ZGRF1: variants seen among roughly 807,000 people sequenced by gnomAD.
ZGRF1 encodes zinc finger GRF-type containing 1.
ZGRF1 carries 196 observed loss-of-function variants against 203.5 expected under a neutral mutation model. That is an observed-to-expected ratio of 0.96 (90% CI 0.86 to 1.08). The LOEUF (loss-of-function observed/expected upper bound fraction) is 1.08, where lower values mean the gene tolerates loss of function less well. Ranked by LOEUF, ZGRF1 falls within the 50% of genes least tolerant of loss-of-function variation. The pLI is 0.00. For missense variants in ZGRF1, 2,326 were observed against 2,416.3 expected (o/e 0.96, Z 0.78); for synonymous variants, 809 against 841.3 (o/e 0.96, Z 0.66).
intron 24 of ZGRF1, 133 bp downstream of exon 24, chr4:112,547,152 T>C (rs1000740749): frequency 2.2e-6 from 2 of 922,320 alleles, no homozygotes; most frequent in Non-Finnish European, 3.1e-6. Context: ...AATACTTACT[T>C]TCCAGACAAC....
chr4:112,609,587 C>A (rs1261905593), intron 7 of ZGRF1, among the ~76,000 whole-genome samples, 158 bp from the exon 8 acceptor site: 1 of 150,572 alleles, frequency 6.6e-6, no homozygotes, highest in Non-Finnish European at 1.5e-5. Context: ...GGGCGGATCA[C>A]CTGAGGTAAG....
chr4:112,562,535 A>G, intron 17 of ZGRF1, 50 bp from the exon 18 acceptor site: 2 of 1,131,352 alleles, frequency 1.8e-6, no homozygotes, highest in Non-Finnish European at 2.6e-6. Flanking sequence ...AAAATGGACC[A>G]TAAAAACTCT....
At chr4:112,605,407 C>T (rs535454138) in intron 9 of ZGRF1, among the ~76,000 whole-genome samples, 5 of 152,256 alleles carry the variant, frequency 3.3e-5, no homozygotes, top group African/African-American at 4.8e-5. Flanking sequence ...GTGATCCACC[C>T]GCCTTGGCCT....
intron 10 of ZGRF1, among the ~76,000 whole-genome samples, chr4:112,601,725 A>G (rs1750013087): frequency 6.6e-6 from 1 of 151,258 alleles, no homozygotes; most frequent in Admixed American, 6.6e-5. Flanking sequence ...TGACAGAGTT[A>G]AGACTCTGTC....
intron 7 of ZGRF1, among the ~76,000 whole-genome samples, chr4:112,609,824 T>TA (rs1253532143): frequency 6.7e-6 from 1 of 148,454 alleles, no homozygotes; most frequent in Non-Finnish European, 1.5e-5. Context: ...AAAAAAGAAA[T>TA]ACTAGAACAC....
Position 112,587,904 on chromosome 4 carries a change from C to T in ZGRF1, c.3153G>A (p.Glu1051=). The change falls in exon 12 of 28, where the codon GAG becomes GAA. Residue 1051 remains glutamate, a synonymous_variant. Transcript: ENST00000505019. ...ATGAAAGCCTTTGAAGGTTCTCATT[C>T]TCCAGAGAACGGGATTTTTTCATCC... ...LEGMKKSRSL[E]NENLQRLSLL... 1.3e-6 allele frequency: 2 copies of T among 1,531,144 alleles called. No individual in the cohort carries two copies. Among genetic ancestry groups the T allele is most frequent in the Non-Finnish European group, 8.8e-7 (1 of 1,140,684 alleles). 94.8% of individuals were successfully genotyped at this position (1,531,144 alleles called of 1,614,324 possible).
intron 24 of ZGRF1, 112 bp downstream of exon 24, chr4:112,547,173 C>T: frequency 9.2e-7 from 1 of 1,088,156 alleles, no homozygotes. Context: ...TCCAATTATA[C>T]ATTATTTTAA....
chr4:112,595,541 G>A (rs903009445), intron 10 of ZGRF1, among the ~76,000 whole-genome samples: 6 of 152,076 alleles, frequency 3.9e-5, no homozygotes, highest in African/African-American at 1.2e-4. Flanking sequence ...GTGAGAGCCA[G>A]TCTCTACAAA....
At chr4:112,588,370 T>C (rs11931761) in intron 11 of ZGRF1, among the ~76,000 whole-genome samples, 173 of 152,270 alleles carry the variant, frequency 1.1e-3, no homozygotes, top group African/African-American at 4.1e-3. Context: ...TTTACATTCT[T>C]TCCCAGAGAC....
chr4:112,624,259 T>C (rs1332588414), intron 3 of ZGRF1, among the ~76,000 whole-genome samples: 1 of 151,952 alleles, frequency 6.6e-6, no homozygotes, highest in African/African-American at 2.4e-5. Context: ...TTCATGCCTG[T>C]AATCCCAGCA....
At chr4:112,601,572 TAAA>T (rs781100141) in intron 10 of ZGRF1, among the ~76,000 whole-genome samples, 2 of 129,986 alleles carry the variant, frequency 1.5e-5, no homozygotes, top group Admixed American at 7.9e-5. Context: ...AGACCTTGTC[TAAA>T]AAAAAAAAAA....
chr4:112,555,286 C>A (rs1419047605), intron 20 of ZGRF1, among the ~76,000 whole-genome samples: 1 of 152,096 alleles, frequency 6.6e-6, no homozygotes, highest in Non-Finnish European at 1.5e-5. Flanking sequence ...ATACATTATC[C>A]CCCAGTTAGG....
intron 16 of ZGRF1, among the ~76,000 whole-genome samples, chr4:112,567,452 A>G (rs1424138425): frequency 6.6e-6 from 1 of 152,220 alleles, no homozygotes; most frequent in East Asian, 1.9e-4. Flanking sequence ...AGAGATGTAA[A>G]GAGGTAAAGG....
At position 112,587,824 on chromosome 4, in the gene ZGRF1, G is replaced by C. The variant is rs1440306908; in HGVS notation, c.3233C>G (p.Pro1078Arg). ...LITLPRTDGP[P>R]DLDSHSYMIN... is the part of the protein sequence containing the mutation. ...CATATACGAATGAGAGTCTAAGTCA[G>C]GTGGCCCATCAGTACGTGGCAAAGT... Residue 1078 changes from proline to arginine, a missense_variant, in exon 12 of 28, where the codon CCT becomes CGT. By Grantham distance (103) the Pro-to-Arg change is moderately radical. Transcript: ENST00000505019. The C allele has an allele frequency of 6.4e-7, 1 of 1,551,680 alleles. No individual in the cohort carries two copies. The highest frequency in any genetic ancestry group is 1.4e-5 in the African/African-American group (1 of 73,140).
chr4:112,584,512 G>A (rs142696298), intron 14 of ZGRF1, among the ~76,000 whole-genome samples: 18 of 152,044 alleles, frequency 1.2e-4, no homozygotes, highest in East Asian at 5.8e-4. Flanking sequence ...TCTCATTCGC[G>A]TAAGTACACA....
chr4:112,622,520 GAA>G (rs5861105), intron 4 of ZGRF1, among the ~76,000 whole-genome samples: 150 of 75,198 alleles, frequency 2.0e-3, no homozygotes, highest in East Asian at 0.019. Context: ...ACTCCATCTC[GAA>G]AAAAAAAAAA....
intron 23 of ZGRF1, 78 bp from the exon 24 acceptor site, chr4:112,547,486 A>G: frequency 7.4e-7 from 1 of 1,346,770 alleles, no homozygotes; most frequent in Non-Finnish European, 1.0e-6. Flanking sequence ...GTTTGCCAAA[A>G]TTGCACTTCG....
intron 16 of ZGRF1, among the ~76,000 whole-genome samples, chr4:112,576,882 A>C (rs531496743): frequency 6.6e-5 from 10 of 152,132 alleles, no homozygotes; most frequent in Non-Finnish European, 1.2e-4. Flanking sequence ...AAACTTCCCC[A>C]ATCTAGCAAG....
At chr4:112,614,941 G>A (rs2046817472) in intron 6 of ZGRF1, among the ~76,000 whole-genome samples, 1 of 152,122 alleles carries the variant, frequency 6.6e-6, no homozygotes, top group Non-Finnish European at 1.5e-5. Flanking sequence ...ATAGGTAAGA[G>A]TTATATTGCT....
Sources: gnomAD v4.1 joint callset for allele counts (sites outside exome capture counted in the v4.1 genomes callset) on GRCh38, gnomAD v4.1.1 for gene constraint, MANE v1.5 for transcripts, NCBI Gene and HGNC (gene_info 2026-07-23, HGNC 2026-07-21) for gene names.